The following ABAT variants were observed in gnomAD, a reference collection of about 807,000 sequenced individuals.
The protein encoded by ABAT is 4-aminobutyrate aminotransferase.
In ABAT, 45 loss-of-function variants were observed where a neutral mutation model predicts 64.6. The ratio of observed to expected loss-of-function variants is 0.70; its 90% confidence interval spans 0.55 to 0.89. The LOEUF (loss-of-function observed/expected upper bound fraction) is 0.89, where lower values mean the gene tolerates loss of function less well. ABAT is among the 40% of genes least tolerant of loss of function. The probability of loss-of-function intolerance (pLI) is 0.00; values close to 1 mark genes in which losing one functional copy is unlikely to be tolerated. For synonymous variants in ABAT, 297 were observed against 250.5 expected (o/e 1.19, Z -1.75); for missense variants, 633 against 658.4 (o/e 0.96, Z 0.42).
At position 8,691,978 on chromosome 16, in the gene ABAT, T is replaced by C. The variant is rs540453587; in HGVS notation, c.-42+17267T>C. On this transcript the variant is annotated intron_variant, in intron 1 of 15. Transcript: ENST00000268251. ...CCAGTGTTTTCACAGGAAGTTTCTGTTACGAACCACACCTGTTTTCAGTAC... is the reference window on the plus strand; with the variant it reads ...CCAGTGTTTTCACAGGAAGTTTCTGCTACGAACCACACCTGTTTTCAGTAC... Among the ~76,000 whole-genome samples, 4 of 152,358 alleles carry C rather than the reference T, an allele frequency of 2.6e-5. No homozygotes were observed. The South Asian group carries it at 8.3e-4, about 32-fold the overall frequency.
At chr16:8,770,272 G>C (rs2060067009) in intron 11 of ABAT, among the ~76,000 whole-genome samples, 1 of 151,950 alleles carries the variant, frequency 6.6e-6, no homozygotes, top group Non-Finnish European at 1.5e-5. Context: ...TGAGTAGCTG[G>C]GACTACAGGC....
At position 8,745,268 on chromosome 16, in the gene ABAT, G is replaced by A. The variant is rs2059297063; in HGVS notation, c.71-733G>A. 2.6e-5 allele frequency among the ~76,000 whole-genome samples: 4 copies of A among 152,242 alleles called. No individual in the cohort carries two copies. The South Asian group carries it at 6.2e-4, about 24-fold the overall frequency. On this transcript the variant is annotated intron_variant, in intron 2 of 15. Transcript: ENST00000268251. ...GAGTGCTGGGATTACCGGAATGAGCGACCCCATCTGGCCCTCTTTGCTGTT... is the reference window on the plus strand; with the variant it reads ...GAGTGCTGGGATTACCGGAATGAGCAACCCCATCTGGCCCTCTTTGCTGTT...
intron 14 of ABAT, among the ~76,000 whole-genome samples, chr16:8,777,303 G>A (rs903250285): frequency 2.6e-5 from 4 of 151,246 alleles, no homozygotes; most frequent in African/African-American, 9.7e-5. Flanking sequence ...TCCCGCCTTT[G>A]TGCAACCTGT....
intron 2 of ABAT, among the ~76,000 whole-genome samples, chr16:8,738,616 GTTTTT>G (rs2059059055): frequency 8.5e-6 from 1 of 117,574 alleles, no homozygotes; most frequent in African/African-American, 3.8e-5. Context: ...TTTTGTTTTT[GTTTTT>G]GTTTTTGTTT....
At chr16:8,780,873 CT>C in intron 15 of ABAT, 2 of 405,122 alleles carry the variant, frequency 4.9e-6, no homozygotes, top group African/African-American at 4.1e-5. Flanking sequence ...TCCGTAATAG[CT>C]CAGCACCTCA....
At chr16:8,735,229 T>G (rs543086280) in intron 1 of ABAT, among the ~76,000 whole-genome samples, 1 of 151,646 alleles carries the variant, frequency 6.6e-6, no homozygotes, top group South Asian at 2.1e-4. Context: ...AATATAGTTT[T>G]GGGTTGGTTT....
intron 1 of ABAT, among the ~76,000 whole-genome samples, chr16:8,691,733 G>A (rs1273363): frequency 0.39 from 58,877 of 152,016 alleles, 11,733 homozygotes; most frequent in East Asian, 0.62. Flanking sequence ...GAGCCACCGC[G>A]CCCAGTGCCA....
intron 2 of ABAT, chr16:8,737,035 C>G (rs1348277532): frequency 6.6e-6 from 1 of 152,416 alleles, no homozygotes; most frequent in Non-Finnish European, 1.5e-5. Context: ...ATCATGGTGT[C>G]CCTTGTTGGC....
chr16:8,686,278 A>C (rs1047540382), intron 1 of ABAT, among the ~76,000 whole-genome samples: 1 of 152,226 alleles, frequency 6.6e-6, no homozygotes, highest in Non-Finnish European at 1.5e-5. Context: ...GCAAATTTGC[A>C]TGCCTGGCAT....
At chr16:8,688,104 A>G (rs1299110834) in intron 1 of ABAT, among the ~76,000 whole-genome samples, 1 of 151,752 alleles carries the variant, frequency 6.6e-6, no homozygotes, top group African/African-American at 2.4e-5. Context: ...AGGTCTTGCT[A>G]TGTTGCCAAG....
chr16:8,746,200 G>A, intron 3 of ABAT, 102 bp downstream of exon 3: 2 of 879,396 alleles, frequency 2.3e-6, no homozygotes, highest in African/African-American at 1.6e-5. Flanking sequence ...ATTGTCAGCT[G>A]CTTTCAGAGA....
chr16:8,738,250 G>T (rs1441063606), intron 2 of ABAT, among the ~76,000 whole-genome samples: 1 of 151,966 alleles, frequency 6.6e-6, no homozygotes, highest in African/African-American at 2.4e-5. Context: ...GAGCCTGGGA[G>T]ATCGAGGCTG....
At chr16:8,748,227 T>TA (rs951231683) in intron 4 of ABAT, 90 bp downstream of exon 4, 91 of 1,279,684 alleles carry the variant, frequency 7.1e-5, no homozygotes, top group Middle Eastern at 4.1e-4. Flanking sequence ...GGCTCTTTTT[T>TA]AAAAAAAATG....
intron 3 of ABAT, 134 bp from the exon 4 acceptor site, chr16:8,747,974 T>C: frequency 1.3e-6 from 1 of 774,052 alleles, no homozygotes; most frequent in Non-Finnish European, 2.2e-6. Flanking sequence ...TTTAAAGTAA[T>C]ATGGTTGACT....
In ABAT at chr16:8,750,528, C is replaced by G; in HGVS notation, c.305C>G (p.Ser102Cys). The G allele has an allele frequency of 6.2e-7, 1 of 1,613,776 alleles. No individual in the cohort carries two copies. Among genetic ancestry groups the G allele is most frequent in the Non-Finnish European group, 8.5e-7 (1 of 1,179,674 alleles). ...RMLDLYSQIS[S>C]VPIGYSHPAL... ...CTGGATCTTTATTCCCAGATCTCCT[C>G]TGTCCCCATAGGTAAGAGCTGGGAA... Residue 102 changes from serine (S) to cysteine (C), a missense_variant, in exon 5 of 16, where the codon TCT becomes TGT. By Grantham distance (112) the Ser-to-Cys change is moderately radical. Transcript: ENST00000268251.
intron 1 of ABAT, among the ~76,000 whole-genome samples, chr16:8,699,563 C>T (rs113276512): frequency 0.071 from 10,696 of 150,866 alleles, 1,263 homozygotes; most frequent in African/African-American, 0.25. Context: ...GTCTCAAAAA[C>T]AATAATAAAA....
At chr16:8,731,189 C>T (rs1455909580) in intron 1 of ABAT, among the ~76,000 whole-genome samples, 1 of 152,194 alleles carries the variant, frequency 6.6e-6, no homozygotes, top group Non-Finnish European at 1.5e-5. Context: ...TCTCGAACTC[C>T]TGACCTCAAG....
chr16:8,749,386 C>CTTTTTTTTTTTTTT (rs1160144275), intron 4 of ABAT, among the ~76,000 whole-genome samples: 1 of 32,016 alleles, frequency 3.1e-5, no homozygotes, highest in Non-Finnish European at 5.5e-5. Context: ...CGCACCCGGC[C>CTTTTTTTTTTTTTT]TTTTTTTTTT....
In ABAT at chr16:8,706,532, G is replaced by A. The variant is rs140589039; in HGVS notation, c.-41-29167G>A. On this transcript the variant is annotated intron_variant, in intron 1 of 15. Coordinates refer to ENST00000268251, the MANE Select transcript of ABAT (RefSeq NM_020686.6). ...AGTTCAAAACCAGCCTGGCCAACAT[G>A]GTGAAACCCCATCTCTACTAAAAAT... 2.5e-3 allele frequency among the ~76,000 whole-genome samples: 379 copies of A among 152,050 alleles called. 1 individual carries two copies. Among genetic ancestry groups the A allele is most frequent in the African/African-American group, 7.9e-3 (329 of 41,486 alleles).
Sources: allele counts gnomAD v4.1 joint callset (sites outside exome capture counted in the v4.1 genomes callset), GRCh38; gene constraint gnomAD v4.1.1; transcripts MANE v1.5; gene names NCBI Gene and HGNC (gene_info 2026-07-23, HGNC 2026-07-21).